The following TRIM37 variants were observed in gnomAD, a reference collection of about 807,000 sequenced individuals.
The protein encoded by TRIM37 is E3 ubiquitin-protein ligase TRIM37.
A neutral mutation model predicts 129.8 loss-of-function variants in TRIM37; 80 were observed. The observed-to-expected ratio is 0.62, with a 90% CI of 0.51 to 0.74. TRIM37 has a LOEUF of 0.74. TRIM37 is among the 30% of genes least tolerant of loss of function. The probability of loss-of-function intolerance (pLI) is 0.00; values close to 1 mark genes in which losing one functional copy is unlikely to be tolerated. For synonymous variants in TRIM37, 389 were observed against 387.1 expected (o/e 1.00, Z -0.06); for missense variants, 1,054 against 1,176.5 (o/e 0.90, Z 1.52).
At chr17:58,992,162 G>A (rs2032473450) in intron 24 of TRIM37, among the ~76,000 whole-genome samples, 1 of 151,102 alleles carries the variant, frequency 6.6e-6, no homozygotes, top group South Asian at 2.1e-4. Flanking sequence ...CCAGCTAAAG[G>A]GAGAGATACA....
chr17:59,031,362 C>T (rs1464522528), intron 18 of TRIM37, among the ~76,000 whole-genome samples: 2 of 152,170 alleles, frequency 1.3e-5, no homozygotes, highest in Admixed American at 6.5e-5. Flanking sequence ...CAAAATGACT[C>T]TATCCCCGAG....
chr17:59,079,390 C>T (rs1006874314), intron 7 of TRIM37, among the ~76,000 whole-genome samples: 13 of 151,994 alleles, frequency 8.6e-5, no homozygotes, highest in Non-Finnish European at 1.3e-4. Context: ...GGGATGACGC[C>T]GATGTTTACA....
intron 11 of TRIM37, among the ~76,000 whole-genome samples, chr17:59,061,838 G>A (rs918878166): frequency 6.6e-6 from 1 of 151,960 alleles, no homozygotes; most frequent in African/African-American, 2.4e-5. Context: ...TATGACTACA[G>A]AGAGGTACAA....
intron 13 of TRIM37, among the ~76,000 whole-genome samples, chr17:59,055,830 C>A (rs2040818248): frequency 6.6e-6 from 1 of 151,784 alleles, no homozygotes; most frequent in African/African-American, 2.4e-5. Context: ...GGGTACTAGG[C>A]TTAGTATCTG....
intron 2 of TRIM37, among the ~76,000 whole-genome samples, chr17:59,095,442 G>C (rs955163051): frequency 5.9e-5 from 9 of 152,196 alleles, no homozygotes; most frequent in Non-Finnish European, 1.0e-4. Flanking sequence ...AGCCAAGTTA[G>C]AATGGGTTGA....
intron 13 of TRIM37, 39 bp from the exon 14 acceptor site, chr17:59,051,367 T>G (rs1293777840): frequency 2.2e-6 from 3 of 1,391,726 alleles, no homozygotes; most frequent in Admixed American, 3.4e-5. Flanking sequence ...AAAATTCAAA[T>G]AGTAAAACAT....
At chr17:59,008,679 A>G (rs1415445301) in intron 22 of TRIM37, among the ~76,000 whole-genome samples, 1 of 152,200 alleles carries the variant, frequency 6.6e-6, no homozygotes, top group African/African-American at 2.4e-5. Flanking sequence ...CAGAAGGATC[A>G]TTTGAGCCCA....
Position 58,998,924 on chromosome 17 carries a change from C to T in TRIM37, c.*453G>A. The T allele has an allele frequency of 9.7e-7, 1 of 1,025,866 alleles. No individual in the cohort carries two copies. The allele number at this position is 1,025,866 out of a possible 1,614,324, so 63.5% of individuals were successfully genotyped here. On this transcript the variant is annotated 3_prime_UTR_variant, in exon 24 of 24. Transcript: ENST00000262294. ...AAGCAATTTTCTGTTCACTAATCTA[C>T]AGGCACTAATGGAACTGTAATTAAA... is the stretch of plus-strand genomic sequence containing the variant.
At chr17:59,076,341 G>A (rs1158252975) in intron 7 of TRIM37, among the ~76,000 whole-genome samples, 1 of 152,214 alleles carries the variant, frequency 6.6e-6, no homozygotes, top group Non-Finnish European at 1.5e-5. Flanking sequence ...AGGTATTTGA[G>A]ACCAGCCTAG....
rs2041081883 is a variant in TRIM37, at chr17:59,057,618, G to T, written c.1020-564C>A. 2.0e-5 allele frequency among the ~76,000 whole-genome samples: 3 copies of T among 152,214 alleles called. 1 individual carries two copies. In the South Asian group the frequency reaches 6.2e-4, roughly 31 times the overall value. On this transcript the variant is annotated intron_variant, in intron 12 of 23. Coordinates refer to ENST00000262294, the MANE Select transcript of TRIM37 (RefSeq NM_015294.6). The stretch of plus-strand genomic sequence containing the variant: ...AGCTCACTGCAACCTCTGCCCCCCA[G>T]TTCAAGTGATTCTGCTGCCTCAGCC...
Position 59,055,663 on chromosome 17 carries a change from G to A in TRIM37, c.1199+1212C>T, listed in dbSNP as rs539229218. On this transcript the variant is annotated intron_variant, in intron 13 of 23. Coordinates refer to ENST00000262294, the MANE Select transcript of TRIM37 (RefSeq NM_015294.6). ...CAGTGAGCCGATATGTCGCCTCTGG[G>A]CGACAGAGGGAGACTCCATCTCAAA... Among the ~76,000 whole-genome samples the A allele has an allele frequency of 8.1e-4, 117 of 144,402 alleles. 1 individual carries two copies. Among genetic ancestry groups the A allele is most frequent in the Non-Finnish European group, 8.8e-4 (59 of 66,890 alleles). 94.7% of individuals were successfully genotyped at this position (144,402 alleles called of 152,430 possible).
At chr17:59,096,349 C>T (rs563548580) in intron 2 of TRIM37, among the ~76,000 whole-genome samples, 2 of 151,640 alleles carry the variant, frequency 1.3e-5, no homozygotes, top group East Asian at 1.9e-4. Flanking sequence ...GTCAGGAGTT[C>T]GAGACCAGCC....
downstream of TRIM37, among the ~76,000 whole-genome samples, chr17:58,978,724 T>G (rs944782020): frequency 1.3e-5 from 2 of 152,100 alleles, no homozygotes; most frequent in African/African-American, 4.8e-5. Flanking sequence ...AAAAGTGAAT[T>G]GAGAGTCCCT....
intron 24 of TRIM37, among the ~76,000 whole-genome samples, chr17:58,992,569 A>G (rs1045572888): frequency 5.8e-4 from 88 of 151,918 alleles, no homozygotes; most frequent in African/African-American, 2.0e-3. Flanking sequence ...TAGTAAAGAT[A>G]GGGTTTCTCC....
At chr17:59,036,447 GGT>G (rs10625636) in intron 17 of TRIM37, among the ~76,000 whole-genome samples, 3,302 of 140,532 alleles carry the variant, frequency 0.023, 42 homozygotes, top group South Asian at 0.039. Flanking sequence ...ATTTGCTGGG[GGT>G]GTGTGTGTGT....
intron 3 of TRIM37, among the ~76,000 whole-genome samples, chr17:59,090,757 C>T (rs1448916547): frequency 6.6e-6 from 1 of 152,076 alleles, no homozygotes; most frequent in African/African-American, 2.4e-5. Context: ...TCCTGAGTAG[C>T]TGGGACTATA....
intron 22 of TRIM37, among the ~76,000 whole-genome samples, chr17:59,002,745 C>G (rs1033692347): frequency 6.6e-6 from 1 of 152,096 alleles, no homozygotes. Context: ...AAGGAACTTT[C>G]ATTAGTGGGT....
intron 10 of TRIM37, among the ~76,000 whole-genome samples, chr17:59,063,500 C>G (rs1051783197): frequency 3.9e-5 from 6 of 152,112 alleles, no homozygotes. Context: ...ATTTTGATGG[C>G]CTTTGCCTAT....
intron 18 of TRIM37, among the ~76,000 whole-genome samples, chr17:59,030,199 A>G (rs544524337): frequency 6.7e-4 from 101 of 151,840 alleles, no homozygotes; most frequent in Non-Finnish European, 1.2e-3. Flanking sequence ...TCCGACTCCC[A>G]GGTTTAAGCC....
Sources: gnomAD v4.1 joint callset for allele counts (sites outside exome capture counted in the v4.1 genomes callset) on GRCh38, gnomAD v4.1.1 for gene constraint, MANE v1.5 for transcripts, NCBI Gene and HGNC (gene_info 2026-07-23, HGNC 2026-07-21) for gene names.